DCLK1: variants seen among roughly 807,000 people sequenced by gnomAD.
The protein encoded by DCLK1 is doublecortin like kinase 1.
In DCLK1, 16 loss-of-function variants were observed where a neutral mutation model predicts 86.2. The ratio of observed to expected loss-of-function variants is 0.19; its 90% confidence interval spans 0.13 to 0.28. The LOEUF is 0.28. DCLK1 is among the 10% of genes least tolerant of loss of function. The pLI is 1.00. For missense variants in DCLK1, 590 were observed against 940.2 expected (o/e 0.63, Z 4.87); for synonymous variants, 369 against 370.5 (o/e 1.00, Z 0.05).
intron 2 of DCLK1, among the ~76,000 whole-genome samples, chr13:36,120,775 TATGTGAAAATTATATGA>T (rs61445475): frequency 0.6 from 90,572 of 151,866 alleles, 27,672 homozygotes; most frequent in East Asian, 0.86. Context: ...AGATGAAAAT[TATGTGAAAATTATATGA>T]AAAACTGTAT....
At chr13:36,102,153 C>G (rs943771155) in intron 3 of DCLK1, among the ~76,000 whole-genome samples, 20 of 150,640 alleles carry the variant, frequency 1.3e-4, no homozygotes, top group Admixed American at 1.3e-3. Context: ...GACTGTCACT[C>G]TGAAAAGGCA....
At chr13:35,877,363 A>G (rs1287608434) in intron 4 of DCLK1, among the ~76,000 whole-genome samples, 1 of 152,210 alleles carries the variant, frequency 6.6e-6, no homozygotes, top group Non-Finnish European at 1.5e-5. Flanking sequence ...GTGTTATAGA[A>G]GGTGCTGAAG....
intron 3 of DCLK1, among the ~76,000 whole-genome samples, chr13:36,047,299 C>A (rs923932863): frequency 7.9e-5 from 12 of 152,094 alleles, no homozygotes; most frequent in Non-Finnish European, 1.5e-4. Context: ...AAAGATGGAA[C>A]CACCCTACTA....
chr13:35,988,271 C>T (rs1046271306), intron 3 of DCLK1, among the ~76,000 whole-genome samples: 2 of 152,212 alleles, frequency 1.3e-5, no homozygotes, highest in African/African-American at 2.4e-5. Flanking sequence ...GCCCCTGCAG[C>T]GGGGACCCCA....
intron 3 of DCLK1, among the ~76,000 whole-genome samples, chr13:35,968,868 AAG>A (rs1878917103): frequency 6.6e-6 from 1 of 152,194 alleles, no homozygotes. Flanking sequence ...AAACTGAAGA[AAG>A]AGTTTTTCTC....
intron 16 of DCLK1, among the ~76,000 whole-genome samples, chr13:35,782,818 T>C (rs1227801136): frequency 1.3e-5 from 2 of 152,232 alleles, no homozygotes; most frequent in Non-Finnish European, 2.9e-5. Context: ...TTTAGACATA[T>C]TTTCCCCCTA....
chr13:35,814,079 G>C (rs1207402992), intron 11 of DCLK1, among the ~76,000 whole-genome samples: 1 of 151,994 alleles, frequency 6.6e-6, no homozygotes, highest in Non-Finnish European at 1.5e-5. Flanking sequence ...TTCCCTCAGT[G>C]GTTTAAGAAG....
chr13:36,118,375 T>C (rs952731129), intron 2 of DCLK1, among the ~76,000 whole-genome samples: 3 of 152,092 alleles, frequency 2.0e-5, no homozygotes, highest in Admixed American at 2.0e-4. Flanking sequence ...CCAGCCAGAA[T>C]TGGCAATTGA....
At chr13:35,945,696 T>C (rs1877342556) in intron 4 of DCLK1, among the ~76,000 whole-genome samples, 1 of 152,104 alleles carries the variant, frequency 6.6e-6, no homozygotes, top group Non-Finnish European at 1.5e-5. Flanking sequence ...GTCTGACTCT[T>C]GACTTTCACC....
intron 3 of DCLK1, among the ~76,000 whole-genome samples, chr13:36,023,061 G>C (rs1032896205): frequency 6.6e-6 from 1 of 152,100 alleles, no homozygotes; most frequent in African/African-American, 2.4e-5. Flanking sequence ...TTAGCAACAG[G>C]AATTATTTCC....
At chr13:35,814,926 G>A (rs1035631034) in intron 11 of DCLK1, among the ~76,000 whole-genome samples, 32 of 152,250 alleles carry the variant, frequency 2.1e-4, no homozygotes, top group African/African-American at 7.0e-4. Flanking sequence ...GGCTACAGTC[G>A]GAGAAGTTGT....
intron 11 of DCLK1, among the ~76,000 whole-genome samples, chr13:35,821,172 C>T (rs1022919362): frequency 6.6e-6 from 1 of 152,164 alleles, no homozygotes; most frequent in Non-Finnish European, 1.5e-5. Flanking sequence ...TGTTCCTTAC[C>T]TATGAAATGA....
intron 4 of DCLK1, among the ~76,000 whole-genome samples, chr13:35,884,482 A>C (rs1873108447): frequency 6.6e-6 from 1 of 152,212 alleles, no homozygotes; most frequent in Non-Finnish European, 1.5e-5. Flanking sequence ...ATTACTCAAG[A>C]ATGGAGAGCT....
intron 4 of DCLK1, among the ~76,000 whole-genome samples, chr13:35,880,234 G>A (rs1434225537): frequency 6.6e-6 from 1 of 152,204 alleles, no homozygotes; most frequent in African/African-American, 2.4e-5. Context: ...TAACCATCCT[G>A]AGAATATGGG....
chr13:36,044,195 G>C (rs1207523598), intron 3 of DCLK1, among the ~76,000 whole-genome samples: 2 of 152,164 alleles, frequency 1.3e-5, no homozygotes, highest in African/African-American at 4.8e-5. Flanking sequence ...TGCCAAGAGT[G>C]GAAACTTCTT....
rs373956246 is a variant in DCLK1 at position 35,822,576 on chromosome 13, A to G, written c.1554+153T>C. Among the ~76,000 whole-genome samples, 32 of 152,274 alleles carry G rather than the reference A, an allele frequency of 2.1e-4. No homozygotes were observed. The East Asian group carries it at 6.0e-3, about 28-fold the overall frequency. ...CGCATTAACTCATCTAGATCAACCT[A>G]AAAGGCTAGTTTCCAACTAGCTCCT... On this transcript the variant is annotated intron_variant, in intron 11 of 16. Coordinates refer to ENST00000360631, the MANE Select transcript of DCLK1 (RefSeq NM_001330071.2).
intron 5 of DCLK1, chr13:35,855,938 C>A (rs752650858): frequency 1.5e-5 from 12 of 811,238 alleles, no homozygotes; most frequent in Non-Finnish European, 1.8e-5. Flanking sequence ...TGGTGACTAC[C>A]AGGTAATCAG....
chr13:35,973,761 T>C (rs996556621), intron 3 of DCLK1, among the ~76,000 whole-genome samples: 1 of 152,124 alleles, frequency 6.6e-6, no homozygotes, highest in Non-Finnish European at 1.5e-5. Context: ...GGGAACCTGA[T>C]CCTGCAGACA....
At chr13:35,964,313 GA>G (rs1019762997) in intron 3 of DCLK1, among the ~76,000 whole-genome samples, 2 of 151,996 alleles carry the variant, frequency 1.3e-5, no homozygotes, top group Admixed American at 1.3e-4. Flanking sequence ...TTGTGAAGGG[GA>G]AAAAAAGAAA....
Sources: allele counts gnomAD v4.1 joint callset (sites outside exome capture counted in the v4.1 genomes callset), GRCh38; gene constraint gnomAD v4.1.1; transcripts MANE v1.5; gene names NCBI Gene and HGNC (gene_info 2026-07-23, HGNC 2026-07-21).